Variants in FHIT observed in about 807,000 individuals in gnomAD.
FHIT encodes fragile histidine triad diadenosine triphosphatase.
A neutral mutation model predicts 17.9 loss-of-function variants in FHIT; 19 were observed. That is an observed-to-expected ratio of 1.06 (90% CI 0.74 to 1.56). The LOEUF (loss-of-function observed/expected upper bound fraction) is 1.56. Among genes scored for constraint, FHIT ranks in the 40% most tolerant of loss-of-function variants. The pLI, the probability that FHIT is intolerant of heterozygous loss-of-function variation, is 0.00. For synonymous variants in FHIT, 81 were observed against 69.7 expected (o/e 1.16, Z -0.81); for missense variants, 248 against 189.2 (o/e 1.31, Z -1.82).
chr3:60,507,446 G>A (rs1025287357), intron 5 of FHIT, among the ~76,000 whole-genome samples: 5 of 152,164 alleles, frequency 3.3e-5, no homozygotes, highest in African/African-American at 9.7e-5. Flanking sequence ...TCCTATGTAC[G>A]AAAGGAAGCT....
chr3:60,165,686 C>T (rs1461748907), intron 5 of FHIT, among the ~76,000 whole-genome samples: 2 of 152,156 alleles, frequency 1.3e-5, no homozygotes, highest in Non-Finnish European at 2.9e-5. Context: ...ACACCCTCTG[C>T]CTCTTCTCCT....
At chr3:60,291,424 T>G (rs1250092766) in intron 5 of FHIT, among the ~76,000 whole-genome samples, 2 of 152,136 alleles carry the variant, frequency 1.3e-5, no homozygotes, top group African/African-American at 4.8e-5. Flanking sequence ...CTGTGCCATG[T>G]TGCCCGTTTC....
At chr3:60,984,366 T>C (rs536933948) in intron 3 of FHIT, among the ~76,000 whole-genome samples, 1 of 152,372 alleles carries the variant, frequency 6.6e-6, no homozygotes, top group Admixed American at 6.5e-5. Flanking sequence ...AGAAGATGCA[T>C]CATCATTTCT....
intron 4 of FHIT, among the ~76,000 whole-genome samples, chr3:60,595,613 GTGTGTATGTATATA>G (rs1231486592): frequency 6.9e-5 from 9 of 129,766 alleles, no homozygotes; most frequent in Admixed American, 5.9e-4. Flanking sequence ...GTAGATATAT[GTGTGTATGTATATA>G]TGTGTGTGTG....
At chr3:60,038,324 A>T (rs1260352610) in intron 5 of FHIT, among the ~76,000 whole-genome samples, 1 of 152,178 alleles carries the variant, frequency 6.6e-6, no homozygotes, top group South Asian at 2.1e-4. Context: ...AATGTTAACC[A>T]CTGCTGTAAT....
At chr3:60,331,563 C>G (rs1037445760) in intron 5 of FHIT, among the ~76,000 whole-genome samples, 1 of 152,116 alleles carries the variant, frequency 6.6e-6, no homozygotes, top group Non-Finnish European at 1.5e-5. Flanking sequence ...GAAATATACT[C>G]GGTCCGGGTA....
chr3:61,155,795 G>T (rs779078849), intron 2 of FHIT, among the ~76,000 whole-genome samples: 2 of 152,172 alleles, frequency 1.3e-5, no homozygotes, highest in Non-Finnish European at 2.9e-5. Context: ...AGACATAAGA[G>T]AAATAGACCT....
chr3:59,817,099 A>G (rs1239386034), intron 8 of FHIT, among the ~76,000 whole-genome samples: 4 of 152,224 alleles, frequency 2.6e-5, no homozygotes, highest in Admixed American at 2.6e-4. Flanking sequence ...CTTCGTAGAT[A>G]GGAGGTTTAG....
At chr3:60,658,803 T>C (rs1553690318) in intron 4 of FHIT, among the ~76,000 whole-genome samples, 1 of 152,076 alleles carries the variant, frequency 6.6e-6, no homozygotes, top group African/African-American at 2.4e-5. Context: ...ATTATTACAA[T>C]AATACTAGCT....
chr3:59,974,002 A>C (rs1004621540), intron 7 of FHIT, among the ~76,000 whole-genome samples: 13 of 151,984 alleles, frequency 8.6e-5, no homozygotes, highest in Non-Finnish European at 1.8e-4. Context: ...AAAACCCACA[A>C]AACTAGTTTG....
intron 5 of FHIT, among the ~76,000 whole-genome samples, chr3:60,122,199 G>A (rs145647152): frequency 0.015 from 2,210 of 152,126 alleles, 23 homozygotes; most frequent in Admixed American, 0.022. Context: ...ACTCTAGAAA[G>A]AAGTGTTCAG....
chr3:59,981,578 C>T (rs1708656988), intron 7 of FHIT, among the ~76,000 whole-genome samples: 1 of 152,102 alleles, frequency 6.6e-6, no homozygotes, highest in Non-Finnish European at 1.5e-5. Context: ...CTATAGATAA[C>T]ATCACAGCAC....
At chr3:59,975,868 CT>C (rs113129068) in intron 7 of FHIT, among the ~76,000 whole-genome samples, 22,023 of 151,904 alleles carry the variant, frequency 0.14, 1,683 homozygotes, top group South Asian at 0.22. Flanking sequence ...GGAATCCAAC[CT>C]ACATGACCTA....
chr3:60,471,104 C>G (rs574640344), intron 5 of FHIT, among the ~76,000 whole-genome samples: 2 of 152,138 alleles, frequency 1.3e-5, no homozygotes, highest in African/African-American at 4.8e-5. Context: ...AAAACAATAT[C>G]CTCTTTACTC....
chr3:60,776,552 T>A (rs999589039), intron 4 of FHIT, among the ~76,000 whole-genome samples: 45 of 152,170 alleles, frequency 3.0e-4, no homozygotes, highest in Non-Finnish European at 4.1e-4. Flanking sequence ...TACAAACTGC[T>A]TTTTGGGTTT....
At chr3:61,035,849 T>C (rs968553471) in intron 3 of FHIT, among the ~76,000 whole-genome samples, 9 of 152,214 alleles carry the variant, frequency 5.9e-5, no homozygotes, top group Admixed American at 3.3e-4. Context: ...CACCTCACTC[T>C]TCTGGCTCCT....
chr3:60,465,137 A>G (rs2032713191), intron 5 of FHIT, among the ~76,000 whole-genome samples: 1 of 152,018 alleles, frequency 6.6e-6, no homozygotes, highest in East Asian at 1.9e-4. Flanking sequence ...TTATGTTGAG[A>G]ACCTTTTCAT....
chr3:59,912,725 G>A (rs545039049), intron 8 of FHIT, among the ~76,000 whole-genome samples: 1 of 152,290 alleles, frequency 6.6e-6, no homozygotes, highest in African/African-American at 2.4e-5. Flanking sequence ...ACATTTCCGT[G>A]CAAAGGGAAT....
intron 5 of FHIT, among the ~76,000 whole-genome samples, chr3:60,473,992 C>T (rs1347468490): frequency 1.3e-5 from 2 of 151,772 alleles, no homozygotes; most frequent in Non-Finnish European, 2.9e-5. Flanking sequence ...GGGGGAAAGA[C>T]ACATTATTTT....
Sources: allele counts gnomAD v4.1 joint callset (sites outside exome capture counted in the v4.1 genomes callset), GRCh38; gene constraint gnomAD v4.1.1; transcripts MANE v1.5; gene names NCBI Gene and HGNC (gene_info 2026-07-23, HGNC 2026-07-21).